The following KPNA4 variants were observed in gnomAD, a reference collection of about 807,000 sequenced individuals.
The protein encoded by KPNA4 is karyopherin subunit alpha 4.
A neutral mutation model predicts 71.3 loss-of-function variants in KPNA4; 13 were observed. That is an observed-to-expected ratio of 0.18 (90% CI 0.12 to 0.29). The LOEUF (loss-of-function observed/expected upper bound fraction) is 0.29. Among genes scored for constraint, KPNA4 ranks in the 10% least tolerant of loss-of-function variants. The probability of loss-of-function intolerance (pLI) is 1.00; values close to 1 mark genes in which losing one functional copy is unlikely to be tolerated. For synonymous variants in KPNA4, 189 were observed against 195.2 expected (o/e 0.97, Z 0.26); for missense variants, 334 against 603.2 (o/e 0.55, Z 4.67).
chr3:160,501,531 A>G lies in KPNA4; in HGVS notation c.*573T>C, dbSNP rs1720881653. The G allele has an allele frequency of 6.6e-6, 1 of 152,624 alleles. No homozygotes were observed. The highest frequency in any genetic ancestry group is 1.5e-5 in the Non-Finnish European group (1 of 68,038). The allele number at this position is 152,624 out of a possible 1,614,324, so 9.5% of individuals were successfully genotyped here. A position where few individuals can be genotyped will look rare whatever the true frequency, so the allele number is the denominator to read the frequency against. ...TACAGCACCACAACCACGCTCTCGT[A>G]CACAGTCACTCCAGGACTAGGAGTC... On this transcript the variant is annotated 3_prime_UTR_variant, in exon 17 of 17. Transcript: ENST00000334256.
intron 1 of KPNA4, among the ~76,000 whole-genome samples, chr3:160,542,506 T>C (rs1156969085): frequency 6.6e-6 from 1 of 152,192 alleles, no homozygotes; most frequent in Non-Finnish European, 1.5e-5. Flanking sequence ...GTTAAATGCT[T>C]ACTCAAGTGG....
chr3:160,553,883 A>C (rs1258786604), intron 1 of KPNA4, among the ~76,000 whole-genome samples: 1 of 152,200 alleles, frequency 6.6e-6, no homozygotes, highest in Non-Finnish European at 1.5e-5. Flanking sequence ...TTAAGAAAGA[A>C]ACATAAGGAA....
At chr3:160,548,338 TTAAC>T (rs2108558431) in intron 1 of KPNA4, among the ~76,000 whole-genome samples, 1 of 152,314 alleles carries the variant, frequency 6.6e-6, no homozygotes, top group East Asian at 1.9e-4. Context: ...CTTTACCACT[TTAAC>T]TATTTTAAAG....
At position 160,509,910 on chromosome 3, in the gene KPNA4, ATAGAG is replaced by A. The variant is rs535739882; in HGVS notation, c.1138-44_1138-40del. On this transcript the variant is annotated intron_variant, in intron 13 of 16. Transcript: ENST00000334256. ...AAACAAAGGCTATAAAAATTGCCAC[ATAGAG>A]TAAACTGGAAAAAATGTTTGCTGTG... is the stretch of plus-strand genomic sequence containing the variant. 465 of 1,349,864 alleles carry A rather than the reference ATAGAG, an allele frequency of 3.4e-4. 4 individuals carry two copies. The South Asian group carries it at 4.1e-3, about 12-fold the overall frequency. 83.6% of individuals were successfully genotyped at this position (1,349,864 alleles called of 1,614,324 possible).
At chr3:160,527,858 G>T in intron 8 of KPNA4, 95 bp downstream of exon 8, 1 of 850,810 alleles carries the variant, frequency 1.2e-6, no homozygotes, top group Non-Finnish European at 1.9e-6. Flanking sequence ...AGTACTGAAG[G>T]CAAACTGTTT....
chr3:160,502,422 G>T, intron 16 of KPNA4, among the ~76,000 whole-genome samples: 1 of 151,736 alleles, frequency 6.6e-6, no homozygotes, highest in East Asian at 1.9e-4. Context: ...CCAGGCTGGA[G>T]ATGAGTAGCA....
chr3:160,521,630 ATCT>A (rs2108548662), intron 11 of KPNA4, 146 bp downstream of exon 11: 1 of 732,998 alleles, frequency 1.4e-6, no homozygotes, highest in East Asian at 2.6e-5. Flanking sequence ...CTACAATGGC[ATCT>A]TATTATTTAT....
At position 160,565,479 on chromosome 3, in the gene KPNA4, C is replaced by T. The variant is rs927812265; in HGVS notation, c.-197G>A. The T allele has an allele frequency of 5.7e-5, 32 of 564,744 alleles. No individual in the cohort carries two copies. The highest frequency in any genetic ancestry group is 9.0e-5 in the Non-Finnish European group (29 of 321,634). The allele number at this position is 564,744 out of a possible 1,614,324, so 35.0% of individuals were successfully genotyped here. A position where few individuals can be genotyped will look rare whatever the true frequency, so the allele number is the denominator to read the frequency against. On this transcript the variant is annotated 5_prime_UTR_variant, in exon 1 of 17. Coordinates refer to ENST00000334256, the MANE Select transcript of KPNA4 (RefSeq NM_002268.5). ...CCGCCCCCCCGCCCTAACCCCAGCG[C>T]GACTGCAGCTCCGGCAAAGACAACT...
chr3:160,536,909 T>C (rs1721704396), intron 1 of KPNA4, 69 bp from the exon 2 acceptor site: 2 of 904,358 alleles, frequency 2.2e-6, no homozygotes, highest in Admixed American at 1.9e-5. Flanking sequence ...AAAACCACTA[T>C]TAACATTTCA....
chr3:160,551,977 G>A (rs1722050433), intron 1 of KPNA4, among the ~76,000 whole-genome samples: 2 of 144,126 alleles, frequency 1.4e-5, no homozygotes. Context: ...CATCTAGTAA[G>A]TAGAGGCCAC....
At chr3:160,517,677 C>G (rs780941258) in intron 11 of KPNA4, among the ~76,000 whole-genome samples, 4 of 152,062 alleles carry the variant, frequency 2.6e-5, no homozygotes, top group Admixed American at 6.5e-5. Context: ...AGTAGTATCT[C>G]ACTGTGGCTT....
Position 160,527,994 on chromosome 3 carries a change from T to C in KPNA4, c.515A>G (p.Asn172Ser). The C allele has an allele frequency of 6.2e-7, 1 of 1,612,774 alleles. No homozygotes were observed. The highest frequency in any genetic ancestry group is 8.5e-7 in the Non-Finnish European group (1 of 1,179,288). ...FLRLLHSPHQ[N>S]VCEQAVWALG... ...TGCCCACACTGCTTGCTCACAGACA[T>C]TCTGATGGGGTGAATGGAGAAGCCT... The change falls in exon 8 of 17, where the codon AAT becomes AGT. Residue 172 changes from asparagine (N) to serine (S), a missense_variant. Physicochemically the swap from Asn to Ser is conservative, Grantham distance 46. Coordinates refer to ENST00000334256, the MANE Select transcript of KPNA4 (RefSeq NM_002268.5).
intron 7 of KPNA4, among the ~76,000 whole-genome samples, chr3:160,529,685 T>C (rs1721530281): frequency 6.6e-6 from 1 of 152,104 alleles, no homozygotes; most frequent in South Asian, 2.1e-4. Flanking sequence ...TCAAATACTA[T>C]TCATGAAGAC....
At chr3:160,515,246 A>G (rs1721186276) in intron 12 of KPNA4, 1 of 632,592 alleles carries the variant, frequency 1.6e-6, no homozygotes, top group Non-Finnish European at 2.9e-6. Flanking sequence ...AAGAGAGCCA[A>G]AATTGCACTT....
intron 10 of KPNA4, among the ~76,000 whole-genome samples, chr3:160,524,235 G>C (rs925309558): frequency 6.6e-6 from 1 of 152,154 alleles, no homozygotes; most frequent in Non-Finnish European, 1.5e-5. Context: ...GTAAATAGGT[G>C]GAAAGAACAC....
rs767095628 is a variant in KPNA4 at position 160,498,550 on chromosome 3, A to G, written c.*3554T>C. 3 of 152,254 alleles carry G rather than the reference A, an allele frequency of 2.0e-5. No individual in the cohort carries two copies. The highest frequency in any genetic ancestry group is 4.4e-5 in the Non-Finnish European group (3 of 68,102). The allele number at this position is 152,254 out of a possible 1,614,324, so 9.4% of individuals were successfully genotyped here. On this transcript the variant is annotated 3_prime_UTR_variant, in exon 17 of 17. Coordinates refer to ENST00000334256, the MANE Select transcript of KPNA4 (RefSeq NM_002268.5). ...TACCTCATCAGTTTGGCTTTGGGTT[A>G]ATCAAAAGGGAGATCACCCTGGTGG...
chr3:160,509,992 A>G (rs1721059212), intron 13 of KPNA4, 121 bp from the exon 14 acceptor site: 7 of 688,754 alleles, frequency 1.0e-5, no homozygotes, highest in Admixed American at 9.8e-5. Flanking sequence ...CTTTCTGTAT[A>G]TATCATTTTT....
At chr3:160,519,828 A>T (rs1721310048) in intron 11 of KPNA4, among the ~76,000 whole-genome samples, 1 of 140,432 alleles carries the variant, frequency 7.1e-6, no homozygotes, top group Non-Finnish European at 1.6e-5. Context: ...AAAAAAAAAT[A>T]GGCTTAAATT....
chr3:160,537,880 T>C (rs1033396867), intron 1 of KPNA4, among the ~76,000 whole-genome samples: 1 of 151,886 alleles, frequency 6.6e-6, no homozygotes. Context: ...GCTACTATTC[T>C]GGGCCAACGT....
Sources: gnomAD v4.1 joint callset for allele counts (sites outside exome capture counted in the v4.1 genomes callset) on GRCh38, gnomAD v4.1.1 for gene constraint, MANE v1.5 for transcripts, NCBI Gene and HGNC (gene_info 2026-07-23, HGNC 2026-07-21) for gene names.